ITGA5: variants seen among roughly 807,000 people sequenced by gnomAD.
ITGA5 encodes integrin subunit alpha 5.
ITGA5 carries 55 observed loss-of-function variants against 146.3 expected under a neutral mutation model. The observed-to-expected ratio is 0.38, with a 90% confidence interval of 0.30 to 0.47. The LOEUF is 0.47. Ranked by LOEUF, ITGA5 falls within the 20% of genes least tolerant of loss-of-function variation. The pLI, the probability that ITGA5 is intolerant of heterozygous loss-of-function variation, is 0.99. For missense variants in ITGA5, 1,131 were observed against 1,329.0 expected (o/e 0.85, Z 2.32); for synonymous variants, 500 against 531.8 (o/e 0.94, Z 0.82).
In ITGA5 at chr12:54,404,518, T is replaced by C. The variant is rs899583019; in HGVS notation, c.1418-43A>G. 8 of 1,609,152 alleles carry C rather than the reference T, an allele frequency of 5.0e-6. No individual in the cohort carries two copies. The African/African-American group carries it at 1.1e-4, about 22-fold the overall frequency. ...ATCACCTCTTACAGCAAGCCCCAGATCAGGATCCTTTCTTCCTAACCCCTC... is the reference window on the plus strand; with the variant it reads ...ATCACCTCTTACAGCAAGCCCCAGACCAGGATCCTTTCTTCCTAACCCCTC... On this transcript the variant is annotated intron_variant, in intron 13 of 29. Coordinates refer to ENST00000293379, the MANE Select transcript of ITGA5 (RefSeq NM_002205.5).
At position 54,399,951 on chromosome 12, in the gene ITGA5, T is replaced by C. The variant is rs1490864501; in HGVS notation, c.2644-4A>G. On this transcript the variant is annotated splice_region_variant and splice_polypyrimidine_tract_variant and intron_variant, in intron 25 of 29. Transcript: ENST00000293379. ...GCAGGGAACCCTCGGGATCCAACTATAAAAGAAAGTGTTGGGCCCCTTTCC... is the reference window on the plus strand; with the variant it reads ...GCAGGGAACCCTCGGGATCCAACTACAAAAGAAAGTGTTGGGCCCCTTTCC... The C allele has an allele frequency of 1.2e-6, 2 of 1,612,012 alleles. No homozygotes were observed. The highest frequency in any genetic ancestry group is 1.7e-5 in the Admixed American group (1 of 60,012).
chr12:54,398,874 C>G (rs1016741203), intron 27 of ITGA5, 176 bp from the exon 28 acceptor site: 1 of 488,104 alleles, frequency 2.0e-6, no homozygotes, highest in Non-Finnish European at 3.5e-6. Flanking sequence ...AGGTCTCACT[C>G]TGTCCCCCAG....
intron 2 of ITGA5, 41 bp downstream of exon 2, chr12:54,411,793 A>T (rs748956915): frequency 3.0e-6 from 4 of 1,346,310 alleles, no homozygotes; most frequent in Non-Finnish European, 3.9e-6. Flanking sequence ...CCCAGGCTGC[A>T]GTCCCACCCC....
In ITGA5 at chr12:54,399,907, T is replaced by G. The variant is rs1400812713; in HGVS notation, c.2684A>C (p.Glu895Ala). 6.8e-6 allele frequency: 11 copies of G among 1,614,174 alleles called. No individual in the cohort carries two copies. ...EGSLHHQQKR[E>A]APSRSSASSG... ...GGAAGCAGAGCTGCGGCTTGGAGCT[T>G]CCCGTTTTTGCTGGTGGTGCAGGGA... The change falls in exon 26 of 30, where the codon GAA becomes GCA. Residue 895 changes from glutamate to alanine, a missense_variant. Around this residue, in one of 3 missense-constraint regions of ITGA5, gnomAD observed 889 missense variants for 1,021.5 expected, o/e 0.87. Transcript: ENST00000293379.
chr12:54,403,461 G>T lies in ITGA5; in HGVS notation c.1777-137C>A. 1.6e-6 allele frequency: 2 copies of T among 1,287,036 alleles called. No homozygotes were observed. The highest frequency in any genetic ancestry group is 1.1e-6 in the Non-Finnish European group (1 of 939,908). The allele number at this position is 1,287,036 out of a possible 1,614,324, so 79.7% of individuals were successfully genotyped here. ...CCTCATTGTTTCAGAGGCCCTGGCA[G>T]CCTGCTTCCCAGCTCCTCTGACAGA... On this transcript the variant is annotated intron_variant, in intron 17 of 29. Coordinates refer to ENST00000293379, the MANE Select transcript of ITGA5 (RefSeq NM_002205.5). The surrounding 1 kb of genome is among the most constrained non-coding windows in gnomAD (Gnocchi z 4.9).
intron 25 of ITGA5, chr12:54,400,175 A>G: frequency 1.9e-6 from 1 of 538,182 alleles, no homozygotes; most frequent in Non-Finnish European, 3.3e-6. Flanking sequence ...GTAAATAATT[A>G]GGTCTGTGTT....
At chr12:54,411,798 C>T (rs368937455) in intron 2 of ITGA5, 36 bp downstream of exon 2, 1 of 1,448,558 alleles carries the variant, frequency 6.9e-7, no homozygotes, top group African/African-American at 1.5e-5. Context: ...GCTGCAGTCC[C>T]ACCCCCCAGT....
At chr12:54,400,143 T>G in intron 25 of ITGA5, 196 bp from the exon 26 acceptor site, 1 of 582,992 alleles carries the variant, frequency 1.7e-6, no homozygotes, top group South Asian at 2.1e-5. Context: ...TTCTTGGAGA[T>G]CACACTGGAG....
At chr12:54,418,586 C>T (rs1257864870) in intron 1 of ITGA5, among the ~76,000 whole-genome samples, 3 of 151,914 alleles carry the variant, frequency 2.0e-5, no homozygotes, top group Admixed American at 6.6e-5. Context: ...CCCCCAAAAG[C>T]CCTTCCCGGC....
At position 54,400,853 on chromosome 12, in the gene ITGA5, C is replaced by G. The variant is rs754157745; in HGVS notation, c.2636G>C (p.Gly879Ala). The change falls in exon 25 of 30, where the codon GGC becomes GCC. Residue 879 changes from glycine to alanine, a missense_variant. Coordinates refer to ENST00000293379, the MANE Select transcript of ITGA5 (RefSeq NM_002205.5). ...CTTNHPINPK[G>A]LELDPEGSLH... ...CAGTGTTCAGGATCTCACCTCCAGG[C>G]CCTTTGGGTTAATGGGGTGATTGGT... is the stretch of plus-strand genomic sequence containing the variant. The G allele has an allele frequency of 6.2e-7, 1 of 1,613,848 alleles. No homozygotes were observed. The highest frequency in any genetic ancestry group is 1.7e-5 in the Admixed American group (1 of 59,970).
At position 54,396,208 on chromosome 12, in the gene ITGA5, A is replaced by C; in HGVS notation, c.*85T>G. 8.8e-7 allele frequency: 1 copy of C among 1,134,500 alleles called. No homozygotes were observed. The highest frequency in any genetic ancestry group is 1.3e-6 in the Non-Finnish European group (1 of 756,828). The allele number at this position is 1,134,500 out of a possible 1,614,324, so 70.3% of individuals were successfully genotyped here. A position where few individuals can be genotyped will look rare whatever the true frequency, so the allele number is the denominator to read the frequency against. ...CTTCTCCCTGGCCGTCAGCACCTTCAAGAAGTACCCAGACCCCTCCTTTTC... is the reference window on the plus strand; with the variant it reads ...CTTCTCCCTGGCCGTCAGCACCTTCCAGAAGTACCCAGACCCCTCCTTTTC... On this transcript the variant is annotated 3_prime_UTR_variant, in exon 30 of 30. Transcript: ENST00000293379.
At chr12:54,411,119 C>T (rs1955938847) in intron 2 of ITGA5, among the ~76,000 whole-genome samples, 1 of 152,216 alleles carries the variant, frequency 6.6e-6, no homozygotes, top group Admixed American at 6.5e-5. Flanking sequence ...GCCTCGGCCT[C>T]CCAAAGTGCT....
At chr12:54,399,616 G>A in intron 27 of ITGA5, 29 bp downstream of exon 27, 1 of 1,527,702 alleles carries the variant, frequency 6.5e-7, no homozygotes, top group Non-Finnish European at 9.1e-7. Context: ...CAAAGGTCAG[G>A]GGTCAGGGCT....
At chr12:54,410,726 T>A (rs76417451) in intron 2 of ITGA5, among the ~76,000 whole-genome samples, 4 of 127,252 alleles carry the variant, frequency 3.1e-5, no homozygotes, top group Non-Finnish European at 6.5e-5. Context: ...GCCTGGCTAA[T>A]TTTTTTTTTT....
At chr12:54,407,781 T>C in intron 8 of ITGA5, 51 bp downstream of exon 8, 1 of 1,606,412 alleles carries the variant, frequency 6.2e-7, no homozygotes, top group Non-Finnish European at 8.5e-7. Flanking sequence ...TCTCTGGCCC[T>C]GTGCCTCTAA....
At chr12:54,414,877 G>A (rs1040341833) in intron 1 of ITGA5, among the ~76,000 whole-genome samples, 1 of 151,810 alleles carries the variant, frequency 6.6e-6, no homozygotes, top group Non-Finnish European at 1.5e-5. Context: ...GGCCAGGCGT[G>A]GTGGCTCACG....
rs953991658 is a variant in ITGA5 at position 54,405,871 on chromosome 12, T to C, written c.962A>G (p.Gln321Arg). 5 of 1,613,768 alleles carry C rather than the reference T, an allele frequency of 3.1e-6. No homozygotes were observed. Among genetic ancestry groups the C allele is most frequent in the Non-Finnish European group, 4.2e-6 (5 of 1,179,702 alleles). ...GGTGGGGTTGAGGGGTATCCTTACC[T>C]GTTCCCCTGAGAAGTTGTAGAGGGA... ...IRSLYNFSGE[Q>R]MASYFGYAVA... is the part of the protein sequence containing the mutation. Residue 321 changes from glutamine to arginine, a missense_variant and splice_region_variant, in exon 10 of 30, where the codon CAG (glutamine) becomes CGG (arginine). Gln to Arg is a conservative substitution (Grantham distance 43). Transcript: ENST00000293379.
At chr12:54,397,180 G>A in intron 29 of ITGA5, 185 bp downstream of exon 29, 1 of 530,332 alleles carries the variant, frequency 1.9e-6, no homozygotes, top group South Asian at 2.9e-5. Context: ...CCCTTTCTAA[G>A]CTAGGGGCTA....
intron 9 of ITGA5, chr12:54,407,386 A>T (rs1412835981): frequency 1.9e-6 from 1 of 520,070 alleles, no homozygotes; most frequent in Non-Finnish European, 3.5e-6. Context: ...TTCTCATTTC[A>T]TCCTTGCCAG....
Sources: allele counts gnomAD v4.1 joint callset (sites outside exome capture counted in the v4.1 genomes callset), GRCh38; gene constraint gnomAD v4.1.1; regional missense constraint gnomAD v4.1.1; non-coding constraint Gnocchi (gnomAD v3.1); transcripts MANE v1.5; gene names NCBI Gene and HGNC (gene_info 2026-07-23, HGNC 2026-07-21).